DYRK1A: variants seen among roughly 807,000 people sequenced by gnomAD.
The protein encoded by DYRK1A is dual specificity tyrosine phosphorylation regulated kinase 1A, also known as dual specificity tyrosine-phosphorylation-regulated kinase 1A.
A neutral mutation model predicts 79.7 loss-of-function variants in DYRK1A; 9 were observed. The observed-to-expected ratio is 0.11, with a 90% confidence interval of 0.07 to 0.20. The LOEUF is 0.20. Among genes scored for constraint, DYRK1A ranks in the 10% least tolerant of loss-of-function variants. The pLI, the probability that DYRK1A is intolerant of heterozygous loss-of-function variation, is 1.00. For synonymous variants in DYRK1A, 349 were observed against 329.7 expected, an observed-to-expected ratio of 1.06 and a Z score of -0.63; for missense variants, 622 against 956.0, an observed-to-expected ratio of 0.65 and a Z score of 4.61.
intron 3 of DYRK1A, among the ~76,000 whole-genome samples, chr21:37,475,726 T>TA: frequency 6.6e-6 from 1 of 152,222 alleles, no homozygotes; most frequent in Non-Finnish European, 1.5e-5. Flanking sequence ...CACACACTCA[T>TA]ATTGAGTGCA....
intron 1 of DYRK1A, among the ~76,000 whole-genome samples, chr21:37,403,663 A>ATATGTGTG (rs1205913356): frequency 8.2e-6 from 1 of 121,518 alleles, no homozygotes; most frequent in Non-Finnish European, 1.7e-5. Flanking sequence ...ATATATATAT[A>ATATGTGTG]TGTGTGTGTG....
At chr21:37,480,217 G>A (rs564593747) in intron 4 of DYRK1A, among the ~76,000 whole-genome samples, 1 of 152,138 alleles carries the variant, frequency 6.6e-6, no homozygotes, top group Admixed American at 6.5e-5. Context: ...CAAATATAAA[G>A]TTGGGATTGA....
At chr21:37,411,043 T>C (rs1165721914) in intron 1 of DYRK1A, among the ~76,000 whole-genome samples, 43 of 111,268 alleles carry the variant, frequency 3.9e-4, no homozygotes, top group African/African-American at 1.4e-3. Flanking sequence ...AGTGAGATTC[T>C]GTCTTTAAAA....
chr21:37,466,955 A>G (rs1382197550), intron 2 of DYRK1A, among the ~76,000 whole-genome samples: 1 of 152,118 alleles, frequency 6.6e-6, no homozygotes, highest in Non-Finnish European at 1.5e-5. Context: ...ACTTGATGTC[A>G]GTCCATTTGA....
intron 1 of DYRK1A, among the ~76,000 whole-genome samples, chr21:37,378,920 T>G (rs2049602189): frequency 6.6e-6 from 1 of 151,352 alleles, no homozygotes; most frequent in Non-Finnish European, 1.5e-5. Context: ...TCTTGAAGAG[T>G]GGATGGATGG....
chr21:37,387,579 T>A (rs894081191), intron 1 of DYRK1A, among the ~76,000 whole-genome samples: 1 of 152,234 alleles, frequency 6.6e-6, no homozygotes, highest in African/African-American at 2.4e-5. Context: ...ACTGCTCCTC[T>A]ATGAAATTCT....
chr21:37,450,689 A>T (rs1220839465), intron 2 of DYRK1A, among the ~76,000 whole-genome samples: 8 of 152,190 alleles, frequency 5.3e-5, no homozygotes, highest in African/African-American at 1.9e-4. Flanking sequence ...CAGCCTGGGC[A>T]GAGAGTGTTG....
rs189661682 is a variant in DYRK1A at position 37,405,212 on chromosome 21, G to T, written c.-76-15087G>T. ...AGTTGAACCCCGCTTCCCACCTAGG[G>T]TTGGAATCATGGCCCAGGCAGATGC... On this transcript the variant is annotated intron_variant, in intron 1 of 11. Coordinates refer to ENST00000647188, the MANE Select transcript of DYRK1A (RefSeq NM_001347721.2). 7.9e-5 allele frequency among the ~76,000 whole-genome samples: 12 copies of T among 152,224 alleles called. No individual in the cohort carries two copies. In the East Asian group the frequency reaches 2.3e-3, roughly 29 times the overall value.
At chr21:37,422,573 G>T (rs1346246374) in intron 2 of DYRK1A, among the ~76,000 whole-genome samples, 2 of 152,100 alleles carry the variant, frequency 1.3e-5, no homozygotes, top group East Asian at 3.9e-4. Context: ...TTTCCTTGAT[G>T]AGGCACAGGT....
rs2053270883 is a variant in DYRK1A, at chr21:37,496,392, TTTTG to T, written c.1212+137_1212+140del. Reference sequence around the variant, plus strand: ...ATTTTATTGATACCTTACATAGATATTTTGTTCAGAAGTTGAGTATAGTTTGACC... The same window carrying T: ...ATTTTATTGATACCTTACATAGATATTTCAGAAGTTGAGTATAGTTTGACC... On this transcript the variant is annotated intron_variant, in intron 9 of 11. Coordinates refer to ENST00000647188, the MANE Select transcript of DYRK1A (RefSeq NM_001347721.2). 3.3e-6 allele frequency: 3 copies of T among 904,796 alleles called. No individual in the cohort carries two copies. The African/African-American group carries it at 5.1e-5, about 15-fold the overall frequency. 56.0% of individuals were successfully genotyped at this position (904,796 alleles called of 1,614,324 possible). A position where few individuals can be genotyped will look rare whatever the true frequency, so the allele number is the denominator to read the frequency against.
At chr21:37,369,571 T>G (rs558565377) in intron 1 of DYRK1A, among the ~76,000 whole-genome samples, 2 of 152,340 alleles carry the variant, frequency 1.3e-5, no homozygotes, top group African/African-American at 4.8e-5. Context: ...AGTTCTCTTG[T>G]TAAGACTAGT....
intron 1 of DYRK1A, among the ~76,000 whole-genome samples, chr21:37,374,000 C>T (rs370816904): frequency 2.0e-5 from 3 of 151,964 alleles, no homozygotes; most frequent in Admixed American, 2.0e-4. Context: ...TCAAATAGAC[C>T]GTTATGCAAA....
intron 1 of DYRK1A, among the ~76,000 whole-genome samples, chr21:37,379,053 A>G (rs956338950): frequency 6.6e-6 from 1 of 152,126 alleles, no homozygotes; most frequent in Non-Finnish European, 1.5e-5. Context: ...GGAGCATCAG[A>G]TGAGGGAGAG....
intron 2 of DYRK1A, among the ~76,000 whole-genome samples, chr21:37,461,553 T>C (rs1212930179): frequency 6.6e-6 from 1 of 152,358 alleles, no homozygotes; most frequent in East Asian, 1.9e-4. Flanking sequence ...TGAACATTTT[T>C]TGAGGGCGGA....
At chr21:37,417,611 T>G (rs2148423354) in intron 1 of DYRK1A, among the ~76,000 whole-genome samples, 1 of 136,436 alleles carries the variant, frequency 7.3e-6, no homozygotes, top group East Asian at 2.5e-4. Flanking sequence ...CCCCAACCCC[T>G]GCCTGTGGAA....
intron 2 of DYRK1A, among the ~76,000 whole-genome samples, chr21:37,438,183 G>A (rs1436701116): frequency 6.6e-6 from 1 of 152,018 alleles, no homozygotes; most frequent in Admixed American, 6.5e-5. Flanking sequence ...CGGTTATTGA[G>A]CTTTTAGAGT....
intron 1 of DYRK1A, 31 bp from the exon 2 acceptor site, chr21:37,420,268 C>A: frequency 1.2e-6 from 1 of 839,348 alleles, no homozygotes; most frequent in African/African-American, 1.7e-5. Context: ...GCATCATTAT[C>A]TCTTATCATA....
Position 37,397,837 on chromosome 21 carries a change from C to T in DYRK1A, c.-76-22462C>T, listed in dbSNP as rs555416864. Among the ~76,000 whole-genome samples the T allele has an allele frequency of 4.6e-5, 7 of 152,174 alleles. 1 individual carries two copies. The highest frequency in any genetic ancestry group is 4.1e-4 in the South Asian group (2 of 4,822). On this transcript the variant is annotated intron_variant, in intron 1 of 11. Transcript: ENST00000647188. ...GTACCTTAGCCATCTGTGCCCCAATCGCCTTACATGTGAAAGTGCGTAATT... is the reference window on the plus strand; with the variant it reads ...GTACCTTAGCCATCTGTGCCCCAATTGCCTTACATGTGAAAGTGCGTAATT...
At position 37,515,013 on chromosome 21, in the gene DYRK1A, A is replaced by G. The variant is rs2053860115; in HGVS notation, c.*2482A>G. 6.5e-6 allele frequency: 1 copy of G among 152,786 alleles called. No individual in the cohort carries two copies. The highest frequency in any genetic ancestry group is 1.5e-5 in the Non-Finnish European group (1 of 68,028). The allele number at this position is 152,786 out of a possible 1,614,324, so 9.5% of individuals were successfully genotyped here. On this transcript the variant is annotated 3_prime_UTR_variant, in exon 12 of 12. Transcript: ENST00000647188. ...CAGTTTGGTTACAGGACTTCTGTGC[A>G]TTGTAAACATAAACAGCATGGAAAA...
Sources: gnomAD v4.1 joint callset for allele counts (sites outside exome capture counted in the v4.1 genomes callset) on GRCh38, gnomAD v4.1.1 for gene constraint, MANE v1.5 for transcripts, NCBI Gene and HGNC (gene_info 2026-07-23, HGNC 2026-07-21) for gene names.